NETO1: variants seen among roughly 807,000 people sequenced by gnomAD.
The protein encoded by NETO1 is neuropilin and tolloid-like protein 1.
In NETO1, 26 loss-of-function variants were observed where a neutral mutation model predicts 61.3. The ratio of observed to expected loss-of-function variants is 0.42; its 90% confidence interval spans 0.31 to 0.59. NETO1 has a LOEUF of 0.59. Among genes scored for constraint, NETO1 ranks in the 20% least tolerant of loss-of-function variants. The pLI is 0.12. For missense variants in NETO1, 531 were observed against 662.8 expected (o/e 0.80, Z 2.18); for synonymous variants, 225 against 225.8 (o/e 1.00, Z 0.03).
chr18:72,799,793 T>C (rs1289642469), intron 4 of NETO1, among the ~76,000 whole-genome samples: 1 of 152,224 alleles, frequency 6.6e-6, no homozygotes, highest in African/African-American at 2.4e-5. Flanking sequence ...CAGAGTTTTT[T>C]AGTTAAGAGA....
At chr18:72,837,429 T>C (rs1204764283) in intron 4 of NETO1, among the ~76,000 whole-genome samples, 1 of 152,186 alleles carries the variant, frequency 6.6e-6, no homozygotes, top group Non-Finnish European at 1.5e-5. Flanking sequence ...TATTCTTCCT[T>C]ACGGTGACAA....
rs543429228 is a variant in NETO1, at chr18:72,786,799, T to C, written c.640-2893A>G. On this transcript the variant is annotated intron_variant, in intron 6 of 10. Transcript: ENST00000327305. ...AAGTTTATACTAACTCGTTTGTTTT[T>C]TCAATGTTAACATGACTTAAAAAAA... Among the ~76,000 whole-genome samples, 22 of 152,014 alleles carry C rather than the reference T, an allele frequency of 1.4e-4. No individual in the cohort carries two copies. In the East Asian group the frequency reaches 4.3e-3, roughly 30 times the overall value.
Position 72,750,150 on chromosome 18 carries a change from C to T in NETO1, c.1453G>A (p.Asp485Asn). The T allele has an allele frequency of 6.2e-7, 1 of 1,613,970 alleles. No individual in the cohort carries two copies. Among genetic ancestry groups the T allele is most frequent in the Non-Finnish European group, 8.5e-7 (1 of 1,179,972 alleles). The stretch of plus-strand genomic sequence containing the variant: ...TCTATGTCACAGGCATCTGCAGCAT[C>T]TTGCGAGTAGCTGTGTTTCATGACA... ...ILVMKHSYSQ[D>N]AADACDIDEI... Residue 485 changes from aspartate (D) to asparagine (N), a missense_variant, in exon 9 of 11, where the codon GAT (aspartate) becomes AAT (asparagine). Transcript: ENST00000327305.
intron 4 of NETO1, among the ~76,000 whole-genome samples, chr18:72,821,036 C>G (rs970560958): frequency 6.6e-5 from 10 of 151,962 alleles, no homozygotes; most frequent in African/African-American, 2.2e-4. Flanking sequence ...CTTGAATACA[C>G]AAAAGGCACA....
At chr18:72,789,480 A>G (rs2072042007) in intron 6 of NETO1, among the ~76,000 whole-genome samples, 2 of 152,186 alleles carry the variant, frequency 1.3e-5, no homozygotes, top group Admixed American at 1.3e-4. Context: ...AAGCAGGCTC[A>G]ATCTTCAGAA....
At chr18:72,862,988 G>A (rs2074625414) in intron 3 of NETO1, among the ~76,000 whole-genome samples, 1 of 152,138 alleles carries the variant, frequency 6.6e-6, no homozygotes. Flanking sequence ...TTTAGTATAA[G>A]TATTTATTAT....
intron 4 of NETO1, among the ~76,000 whole-genome samples, chr18:72,838,064 C>T (rs1467310196): frequency 6.6e-6 from 1 of 152,196 alleles, no homozygotes; most frequent in Non-Finnish European, 1.5e-5. Context: ...TTCTCCGTCC[C>T]CATCACCATC....
chr18:72,836,133 C>CTGG (rs1306383095), intron 4 of NETO1, among the ~76,000 whole-genome samples: 1 of 152,180 alleles, frequency 6.6e-6, no homozygotes, highest in Non-Finnish European at 1.5e-5. Flanking sequence ...ATGCTGTAGA[C>CTGG]TCACCGCCTT....
At chr18:72,786,890 G>C (rs576882720) in intron 6 of NETO1, among the ~76,000 whole-genome samples, 1 of 150,844 alleles carries the variant, frequency 6.6e-6, no homozygotes, top group East Asian at 2.0e-4. Flanking sequence ...CTCCAGCCTG[G>C]GCGACAGAGC....
At chr18:72,866,142 TA>T in intron 1 of NETO1, among the ~76,000 whole-genome samples, 1 of 152,340 alleles carries the variant, frequency 6.6e-6, no homozygotes, top group South Asian at 2.1e-4. Context: ...ATTTTTCTTC[TA>T]TTTTTTCTTA....
At chr18:72,762,486 A>T (rs1381507602) in intron 7 of NETO1, among the ~76,000 whole-genome samples, 2 of 152,100 alleles carry the variant, frequency 1.3e-5, no homozygotes, top group Non-Finnish European at 2.9e-5. Context: ...ATATACTTTT[A>T]TGTATAAGTA....
At chr18:72,799,885 T>C (rs2072450195) in intron 4 of NETO1, among the ~76,000 whole-genome samples, 1 of 152,246 alleles carries the variant, frequency 6.6e-6, no homozygotes, top group South Asian at 2.1e-4. Flanking sequence ...AAAACTTGCT[T>C]ACTTGTGCGA....
chr18:72,786,421 T>C (rs2071919964), intron 6 of NETO1, among the ~76,000 whole-genome samples: 1 of 152,204 alleles, frequency 6.6e-6, no homozygotes, highest in Admixed American at 6.5e-5. Context: ...TGAACAACAG[T>C]GGAAAGCACT....
intron 6 of NETO1, among the ~76,000 whole-genome samples, chr18:72,791,072 A>G (rs1032069660): frequency 6.6e-6 from 1 of 152,148 alleles, no homozygotes; most frequent in African/African-American, 2.4e-5. Flanking sequence ...CATCTTTTAA[A>G]TGATCTAGTC....
In NETO1 at chr18:72,756,095, A is replaced by G; in HGVS notation, c.921T>C (p.Asn307=). The G allele has an allele frequency of 6.2e-7, 1 of 1,611,046 alleles. No homozygotes were observed. The highest frequency in any genetic ancestry group is 1.3e-5 in the African/African-American group (1 of 74,962). ...FFCHSNMCIN[N]TLVCNGLQNC... is the part of the protein sequence containing the mutation. ...TCTGGAGTCCATTGCAGACCAAAGT[A>G]TTATTAATACACATGTTACTATGGC... Residue 307 remains asparagine, a synonymous_variant, in exon 8 of 11, where the codon AAT becomes AAC. Coordinates refer to ENST00000327305, the MANE Select transcript of NETO1 (RefSeq NM_138966.5).
chr18:72,814,459 T>C (rs1455707772), intron 4 of NETO1, among the ~76,000 whole-genome samples: 1 of 150,664 alleles, frequency 6.6e-6, no homozygotes, highest in African/African-American at 2.4e-5. Flanking sequence ...AGAAGAAAAG[T>C]AGAAACTAAA....
At chr18:72,749,449 G>A (rs899523842) in intron 9 of NETO1, among the ~76,000 whole-genome samples, 1 of 152,012 alleles carries the variant, frequency 6.6e-6, no homozygotes, top group African/African-American at 2.4e-5. Flanking sequence ...ATAGTTGAAG[G>A]AAAATAAATC....
chr18:72,814,103 A>G (rs1911517346), intron 4 of NETO1, among the ~76,000 whole-genome samples: 1 of 152,096 alleles, frequency 6.6e-6, no homozygotes, highest in South Asian at 2.1e-4. Context: ...ATTTTCACTA[A>G]GGGAATGTCT....
intron 6 of NETO1, among the ~76,000 whole-genome samples, chr18:72,792,238 C>A (rs1599007458): frequency 6.6e-6 from 1 of 152,062 alleles, no homozygotes; most frequent in African/African-American, 2.4e-5. Context: ...TCGAGACCAG[C>A]CTGGCCAACG....
Sources: gnomAD v4.1 joint callset for allele counts (sites outside exome capture counted in the v4.1 genomes callset) on GRCh38, gnomAD v4.1.1 for gene constraint, MANE v1.5 for transcripts, NCBI Gene and HGNC (gene_info 2026-07-23, HGNC 2026-07-21) for gene names.